Variants in VPS13A observed in about 807,000 individuals in gnomAD.
The protein encoded by VPS13A is vacuolar protein sorting 13 homolog A, also known as intermembrane lipid transfer protein VPS13A.
VPS13A carries 264 observed loss-of-function variants against 390.9 expected under a neutral mutation model. The ratio of observed to expected loss-of-function variants is 0.68; its 90% CI spans 0.61 to 0.75. The LOEUF (loss-of-function observed/expected upper bound fraction) is 0.75. Ranked by LOEUF, VPS13A falls within the 30% of genes least tolerant of loss-of-function variation. VPS13A has a pLI of 0.00. For missense variants in VPS13A, 3,409 were observed against 3,733.9 expected (o/e 0.91, Z 2.27); for synonymous variants, 1,231 against 1,227.1 (o/e 1.00, Z -0.07).
At chr9:77,279,019 T>G (rs1315402149) in intron 26 of VPS13A, among the ~76,000 whole-genome samples, 1 of 152,190 alleles carries the variant, frequency 6.6e-6, no homozygotes. Flanking sequence ...CTACAACCCC[T>G]GAAGCCCAAG....
intron 39 of VPS13A, among the ~76,000 whole-genome samples, chr9:77,316,730 C>T (rs917948972): frequency 6.6e-6 from 1 of 151,962 alleles, no homozygotes; most frequent in African/African-American, 2.4e-5. Flanking sequence ...AGACTTTCTG[C>T]CAGTTGTTTG....
At chr9:77,210,747 A>G (rs1463740463) in intron 7 of VPS13A, 72 bp downstream of exon 7, 6 of 1,458,186 alleles carry the variant, frequency 4.1e-6, no homozygotes, top group East Asian at 2.3e-5. Context: ...TACTATTTGT[A>G]TATGCCAGCA....
intron 15 of VPS13A, 43 bp downstream of exon 15, chr9:77,226,641 CAAAAT>C (rs1395120771): frequency 1.3e-6 from 2 of 1,588,406 alleles, no homozygotes; most frequent in African/African-American, 2.7e-5. Context: ...CACTGGGTGT[CAAAAT>C]AAAGTTTTGC....
intron 52 of VPS13A, among the ~76,000 whole-genome samples, chr9:77,346,168 A>C (rs1831141231): frequency 6.6e-6 from 1 of 151,872 alleles, no homozygotes; most frequent in African/African-American, 2.4e-5. Flanking sequence ...CACCACATCC[A>C]TGTTAACATC....
Position 77,403,338 on chromosome 9 carries a change from C to A in VPS13A, c.9275+17C>A. The A allele has an allele frequency of 6.3e-7, 1 of 1,596,526 alleles. No individual in the cohort carries two copies. Among genetic ancestry groups the A allele is most frequent in the Non-Finnish European group, 8.6e-7 (1 of 1,167,588 alleles). ...AACCAGACGGTAACTTGCTTTCTTT[C>A]TCTTACGTAATTTTATAAGGGGTTA... On this transcript the variant is annotated intron_variant, in intron 69 of 71. Coordinates refer to ENST00000360280, the MANE Select transcript of VPS13A (RefSeq NM_033305.3).
At chr9:77,282,937 CAG>C (rs1827121735) in intron 29 of VPS13A, among the ~76,000 whole-genome samples, 1 of 148,750 alleles carries the variant, frequency 6.7e-6, no homozygotes, top group Admixed American at 6.7e-5. Context: ...TCCTGGGTAA[CAG>C]AGAGAGACTC....
At chr9:77,188,065 T>G (rs1824450779) in intron 1 of VPS13A, among the ~76,000 whole-genome samples, 1 of 152,160 alleles carries the variant, frequency 6.6e-6, no homozygotes, top group Non-Finnish European at 1.5e-5. Flanking sequence ...CAATAGTTCT[T>G]GCAAGATCTG....
intron 20 of VPS13A, among the ~76,000 whole-genome samples, chr9:77,248,095 C>T (rs1824930349): frequency 6.6e-6 from 1 of 152,138 alleles, no homozygotes; most frequent in East Asian, 1.9e-4. Context: ...AATACGTCTT[C>T]ATCTTTCTGA....
rs372079398 is a variant in VPS13A at position 77,314,797 on chromosome 9, C to T, written c.4412+133C>T. 9.6e-5 allele frequency: 77 copies of T among 802,814 alleles called. No homozygotes were observed. In the East Asian group the frequency reaches 1.3e-3, roughly 14 times the overall value. The allele number at this position is 802,814 out of a possible 1,614,324, so 49.7% of individuals were successfully genotyped here. ...CTTTAAAGCTTCAATTCAGTCAGCT[C>T]GTAGTACTCGGTTAACATTTAAAAT... On this transcript the variant is annotated intron_variant, in intron 37 of 71. Coordinates refer to ENST00000360280, the MANE Select transcript of VPS13A (RefSeq NM_033305.3).
chr9:77,405,593 G>C (rs1301696271), intron 69 of VPS13A, among the ~76,000 whole-genome samples: 1 of 152,110 alleles, frequency 6.6e-6, no homozygotes, highest in African/African-American at 2.4e-5. Flanking sequence ...TTTCCTTTGA[G>C]ATTCTTTGAC....
intron 35 of VPS13A, among the ~76,000 whole-genome samples, chr9:77,309,750 T>G (rs756252230): frequency 6.6e-6 from 1 of 152,074 alleles, no homozygotes; most frequent in Non-Finnish European, 1.5e-5. Flanking sequence ...TAAGTAAATA[T>G]TGAAGGAAGC....
chr9:77,351,427 G>T lies in VPS13A; in HGVS notation c.7400G>T (p.Gly2467Val), dbSNP rs752724836. The change falls in exon 53 of 72, where the codon GGT becomes GTT. Residue 2467 changes from glycine to valine, a missense_variant. Gly to Val is a moderately radical substitution (Grantham distance 109). This residue lies in a region of VPS13A where 2,717 missense variants were observed against 2,917.4 expected (regional missense o/e 0.93). Transcript: ENST00000360280. ...RLKWRCRKSH[G>V]EVTQKDDMMM... ...AAGTGGAGATGTAGAAAAAGCCATG[G>T]TGAAGTAACACAGAAGGATGTAAGT... 1.2e-6 allele frequency: 2 copies of T among 1,613,518 alleles called. No homozygotes were observed. The highest frequency in any genetic ancestry group is 1.7e-6 in the Non-Finnish European group (2 of 1,179,700).
rs1235412416 is a variant in VPS13A, at chr9:77,366,714, T to G, written c.8326-13T>G. 4 of 1,599,908 alleles carry G rather than the reference T, an allele frequency of 2.5e-6. No homozygotes were observed. The highest frequency in any genetic ancestry group is 3.4e-6 in the Non-Finnish European group (4 of 1,171,084). Reference sequence around the variant, plus strand: ...GAAAATACTTTTAAATATTTATCTCTTTATCTTTTTAGTTACATTTAAGTG... The same window carrying G: ...GAAAATACTTTTAAATATTTATCTCGTTATCTTTTTAGTTACATTTAAGTG... On this transcript the variant is annotated splice_polypyrimidine_tract_variant and intron_variant, in intron 60 of 71. Transcript: ENST00000360280.
intron 34 of VPS13A, 58 bp from the exon 35 acceptor site, chr9:77,307,887 G>A: frequency 1.4e-6 from 2 of 1,410,060 alleles, no homozygotes; most frequent in Non-Finnish European, 2.0e-6. Context: ...TTTAACTGCA[G>A]TTAAATTCTG....
intron 1 of VPS13A, among the ~76,000 whole-genome samples, chr9:77,197,286 A>G (rs1318792526): frequency 6.6e-6 from 1 of 152,152 alleles, no homozygotes; most frequent in African/African-American, 2.4e-5. Context: ...CAGTTGGTCA[A>G]TAGTATTAAG....
chr9:77,190,133 A>G (rs1824585666), intron 1 of VPS13A, among the ~76,000 whole-genome samples: 1 of 152,140 alleles, frequency 6.6e-6, no homozygotes, highest in Non-Finnish European at 1.5e-5. Context: ...TTCCAGAACT[A>G]TGTTGAATAG....
intron 68 of VPS13A, chr9:77,384,841 T>G: frequency 6.9e-7 from 1 of 1,450,256 alleles, no homozygotes; most frequent in Non-Finnish European, 9.0e-7. Flanking sequence ...TTGTATTATT[T>G]AAGCACAGAA....
chr9:77,391,038 T>C (rs1311789860), intron 68 of VPS13A, among the ~76,000 whole-genome samples: 1 of 152,210 alleles, frequency 6.6e-6, no homozygotes, highest in Admixed American at 6.5e-5. Flanking sequence ...AATTTGAGTC[T>C]TACATCTTTT....
intron 12 of VPS13A, 63 bp downstream of exon 12, chr9:77,220,446 C>T (rs1172424342): frequency 1.5e-5 from 17 of 1,129,476 alleles, no homozygotes; most frequent in African/African-American, 1.1e-4. Flanking sequence ...ATAAATTTCT[C>T]GACTTCAAGA....
Sources: gnomAD v4.1 joint callset for allele counts (sites outside exome capture counted in the v4.1 genomes callset) on GRCh38, gnomAD v4.1.1 for gene constraint, gnomAD v4.1.1 regional missense constraint, MANE v1.5 for transcripts, NCBI Gene and HGNC (gene_info 2026-07-23, HGNC 2026-07-21) for gene names.